COL22A1: variants seen among roughly 807,000 people sequenced by gnomAD.
COL22A1 encodes the protein collagen type XXII alpha 1 chain.
Under a neutral mutation model 248.9 loss-of-function variants are expected in COL22A1, and 221 were observed. The ratio of observed to expected loss-of-function variants is 0.89; its 90% confidence interval spans 0.80 to 0.99. The LOEUF is 0.99. COL22A1 is among the 50% of genes least tolerant of loss of function. COL22A1 has a pLI of 0.00. For missense variants in COL22A1, 2,240 were observed against 2,179.0 expected (o/e 1.03, Z -0.56); for synonymous variants, 891 against 793.4 (o/e 1.12, Z -2.07).
At chr8:138,879,892 G>A (rs1273733155) in intron 2 of COL22A1, among the ~76,000 whole-genome samples, 1 of 151,738 alleles carries the variant, frequency 6.6e-6, no homozygotes, top group Non-Finnish European at 1.5e-5. Context: ...AGATTGGAAA[G>A]GTAGAATGGT....
At chr8:138,910,693 T>C (rs181225862) in intron 1 of COL22A1, among the ~76,000 whole-genome samples, 118 of 152,318 alleles carry the variant, frequency 7.7e-4, no homozygotes, top group Non-Finnish European at 1.5e-3. Flanking sequence ...CCTGTGGGCC[T>C]TTCTCATTTT....
chr8:138,844,021 C>A, intron 4 of COL22A1, 63 bp downstream of exon 4: 2 of 1,416,092 alleles, frequency 1.4e-6, no homozygotes, highest in South Asian at 2.3e-5. Context: ...TGACTAGGGT[C>A]ATGCTCAGGC....
intron 1 of COL22A1, among the ~76,000 whole-genome samples, chr8:138,912,077 G>A (rs1009489984): frequency 1.1e-4 from 16 of 152,124 alleles, no homozygotes; most frequent in African/African-American, 2.7e-4. Context: ...TGCTCACCAC[G>A]TACCAGATGC....
At chr8:138,873,478 A>G (rs1823495552) in intron 3 of COL22A1, among the ~76,000 whole-genome samples, 1 of 152,214 alleles carries the variant, frequency 6.6e-6, no homozygotes. Context: ...CTCATCCTAC[A>G]TACTAGGCTC....
intron 47 of COL22A1, among the ~76,000 whole-genome samples, chr8:138,640,563 C>CTCCTCCAGGTGGCAACTAAAATCCTAT (rs1564130928): frequency 6.6e-6 from 1 of 151,950 alleles, no homozygotes; most frequent in South Asian, 2.1e-4. Context: ...TAAAATCCTA[C>CTCCTCCAGGTGGCAACTAAAATCCTAT]CTCCTCCAGG....
At chr8:138,849,504 G>A (rs1213752102) in intron 3 of COL22A1, among the ~76,000 whole-genome samples, 4 of 152,208 alleles carry the variant, frequency 2.6e-5, no homozygotes, top group East Asian at 3.8e-4. Context: ...AGGTGGCAAC[G>A]TCAGCATGAT....
At position 138,704,730 on chromosome 8, in the gene COL22A1, G is replaced by C. The variant is rs1228118736; in HGVS notation, c.2518-1383C>G. Among the ~76,000 whole-genome samples, 6 of 152,308 alleles carry C rather than the reference G, an allele frequency of 3.9e-5. No individual in the cohort carries two copies. In the South Asian group the frequency reaches 6.2e-4, roughly 16 times the overall value. On this transcript the variant is annotated intron_variant, in intron 30 of 64. Coordinates refer to ENST00000303045, the MANE Select transcript of COL22A1 (RefSeq NM_152888.3). ...ATCAGAGCGCCTCGCCTCCTCCAAA[G>C]GAATGCAGCTCCTCGCCAGCAATGG...
intron 8 of COL22A1, 43 bp downstream of exon 8, chr8:138,812,896 A>T: frequency 6.9e-7 from 1 of 1,444,456 alleles, no homozygotes; most frequent in Non-Finnish European, 9.8e-7. Context: ...TGGAGGCCAC[A>T]CACCCATTTC....
chr8:138,846,370 T>C (rs1344297061), intron 3 of COL22A1, among the ~76,000 whole-genome samples: 1 of 152,200 alleles, frequency 6.6e-6, no homozygotes, highest in Non-Finnish European at 1.5e-5. Flanking sequence ...AGTAGGCTGC[T>C]CCATTGAGTC....
chr8:138,685,157 T>G, intron 38 of COL22A1, 51 bp downstream of exon 38: 2 of 1,264,394 alleles, frequency 1.6e-6, no homozygotes, highest in Non-Finnish European at 2.3e-6. Flanking sequence ...TTTCCTTCTC[T>G]AATTTTCACC....
At chr8:138,681,174 C>A (rs1331943991) in intron 39 of COL22A1, among the ~76,000 whole-genome samples, 1 of 152,060 alleles carries the variant, frequency 6.6e-6, no homozygotes, top group African/African-American at 2.4e-5. Context: ...TAAAGCAGAC[C>A]CCACAGGGTG....
At chr8:138,833,222 G>T (rs535311509) in intron 4 of COL22A1, 72 bp from the exon 5 acceptor site, 2 of 1,081,054 alleles carry the variant, frequency 1.9e-6, no homozygotes, top group Non-Finnish European at 2.9e-6. Context: ...AATCACATCC[G>T]CTGTCTGCAA....
At chr8:138,847,530 C>A (rs926440218) in intron 3 of COL22A1, among the ~76,000 whole-genome samples, 1 of 152,160 alleles carries the variant, frequency 6.6e-6, no homozygotes, top group African/African-American at 2.4e-5. Context: ...TATTCCCCAC[C>A]TTTCCAGTCT....
intron 1 of COL22A1, among the ~76,000 whole-genome samples, chr8:138,911,712 T>C (rs1241957894): frequency 6.6e-6 from 1 of 152,224 alleles, no homozygotes; most frequent in African/African-American, 2.4e-5. Context: ...AAACTGTCTG[T>C]GGACTGCATC....
At chr8:138,799,100 C>A (rs1816793065) in intron 11 of COL22A1, among the ~76,000 whole-genome samples, 1 of 152,056 alleles carries the variant, frequency 6.6e-6, no homozygotes, top group Admixed American at 6.6e-5. Flanking sequence ...TTCTTTTGAG[C>A]CCCTCTAGTT....
In COL22A1 at chr8:138,883,104, G is replaced by A. The variant is rs767419978; in HGVS notation, c.69C>T (p.Gly23=). The A allele has an allele frequency of 3.3e-5, 53 of 1,589,334 alleles. No homozygotes were observed. The highest frequency in any genetic ancestry group is 1.2e-4 in the East Asian group (5 of 43,456). The change falls in exon 2 of 65, where the codon GGC becomes GGT. Residue 23 remains glycine, a synonymous_variant. Transcript: ENST00000303045. Reference sequence around the variant, plus strand: ...CACCTGCCCGCTGAGCCTGGCAGCCGCCGCCCCCACTCCACAGCAGCAGCA... The same window carrying A: ...CACCTGCCCGCTGAGCCTGGCAGCCACCGCCCCCACTCCACAGCAGCAGCA... ...LWMLLLWSGG[G]GCQAQRAGCK... is the part of the protein sequence containing the mutation.
In COL22A1 at chr8:138,751,505, T is replaced by C. The variant is rs1370763684; in HGVS notation, c.2038A>G (p.Ile680Val). Reference sequence around the variant, plus strand: ...GGTCCATCCCTGCCTTCTGGGCCTATTGGACCCTTTAGGAGGGAGAAAAAG... The same window carrying C: ...GGTCCATCCCTGCCTTCTGGGCCTACTGGACCCTTTAGGAGGGAGAAAAAG... ...APGPPGARGPIGPEGRDGPPG... is the reference protein window; with the variant it reads ...APGPPGARGPVGPEGRDGPPG... The change falls in exon 22 of 65, where the codon ATA (isoleucine) becomes GTA (valine). Residue 680 changes from isoleucine (I) to valine (V), a missense_variant. Physicochemically the swap from Ile to Val is conservative, Grantham distance 29. Transcript: ENST00000303045. 6.2e-7 allele frequency: 1 copy of C among 1,611,380 alleles called. No individual in the cohort carries two copies. The highest frequency in any genetic ancestry group is 1.7e-5 in the Admixed American group (1 of 59,750).
chr8:138,605,621 AT>A (rs1818362842), intron 58 of COL22A1, among the ~76,000 whole-genome samples: 2 of 152,148 alleles, frequency 1.3e-5, no homozygotes, highest in Admixed American at 1.3e-4. Flanking sequence ...ATTGGAGGGT[AT>A]GGACAAGAAC....
At chr8:138,739,935 T>C (rs985974333) in intron 22 of COL22A1, among the ~76,000 whole-genome samples, 16 of 152,152 alleles carry the variant, frequency 1.1e-4, no homozygotes, top group African/African-American at 3.9e-4. Context: ...CAGGTAGAAT[T>C]CAAGATGTGG....
Sources: gnomAD v4.1 joint callset for allele counts (sites outside exome capture counted in the v4.1 genomes callset) on GRCh38, gnomAD v4.1.1 for gene constraint, MANE v1.5 for transcripts, NCBI Gene and HGNC (gene_info 2026-07-23, HGNC 2026-07-21) for gene names.